PCDHGA6: variants seen among roughly 807,000 people sequenced by gnomAD.
PCDHGA6 encodes the protein protocadherin gamma subfamily A, 6.
In PCDHGA6, 41 loss-of-function variants were observed where a neutral mutation model predicts 60.6. The observed-to-expected ratio is 0.68, with a 90% CI of 0.53 to 0.88. The LOEUF is 0.88. Ranked by LOEUF, PCDHGA6 falls within the 40% of genes least tolerant of loss-of-function variation. The pLI is 0.00. For synonymous variants in PCDHGA6, 594 were observed against 524.4 expected (o/e 1.13, Z -1.81); for missense variants, 1,312 against 1,203.0 (o/e 1.09, Z -1.34).
rs553126235 is a variant in PCDHGA6 at position 141,473,346 on chromosome 5, G to A, written c.2425-21461G>A. Reference sequence around the variant, plus strand: ...AAGTGCCTGCTGTGCTAGACAGTGAGGATGCAAGTGGCCACCAAAATAGCA... The same window carrying A: ...AAGTGCCTGCTGTGCTAGACAGTGAAGATGCAAGTGGCCACCAAAATAGCA... On this transcript the variant is annotated intron_variant, in intron 1 of 3. Transcript: ENST00000517434. Among the ~76,000 whole-genome samples, 9 of 152,310 alleles carry A rather than the reference G, an allele frequency of 5.9e-5. No individual in the cohort carries two copies. The East Asian group carries it at 1.5e-3, about 26-fold the overall frequency.
intron 1 of PCDHGA6, among the ~76,000 whole-genome samples, chr5:141,452,575 T>A (rs1386847800): frequency 6.6e-6 from 1 of 152,192 alleles, no homozygotes; most frequent in Non-Finnish European, 1.5e-5. Flanking sequence ...CCTTCCCCCT[T>A]TCCATCTTTG....
chr5:141,437,434 G>A (rs183505868), intron 1 of PCDHGA6, among the ~76,000 whole-genome samples: 409 of 152,312 alleles, frequency 2.7e-3, no homozygotes, highest in Middle Eastern at 6.8e-3. Flanking sequence ...AGCAGCAATA[G>A]CATAGGAATG....
At chr5:141,437,040 C>G (rs188070264) in intron 1 of PCDHGA6, among the ~76,000 whole-genome samples, 1 of 152,266 alleles carries the variant, frequency 6.6e-6, no homozygotes, top group African/African-American at 2.4e-5. Flanking sequence ...ATCACCGAAA[C>G]CAGAAGGCTG....
chr5:141,374,300 C>A lies in PCDHGA6; in HGVS notation c.217C>A (p.Gln73Lys), dbSNP rs746754972. Residue 73 changes from glutamine to lysine, a missense_variant, in exon 1 of 4, where the codon CAG becomes AAG. By Grantham distance (53) the Gln-to-Lys change is moderately conservative. Transcript: ENST00000517434. Reference sequence around the variant, plus strand: ...CCGCATCGTCTCCAGAGGTAGGATGCAGCTTTTCTCTCTGAATCCGCGAAA... The same window carrying A: ...CCGCATCGTCTCCAGAGGTAGGATGAAGCTTTTCTCTCTGAATCCGCGAAA... ...GVRIVSRGRM[Q>K]LFSLNPRNGS... The A allele has an allele frequency of 2.4e-5, 38 of 1,613,830 alleles. No individual in the cohort carries two copies. The highest frequency in any genetic ancestry group is 3.1e-5 in the Non-Finnish European group (36 of 1,179,836).
intron 1 of PCDHGA6, among the ~76,000 whole-genome samples, chr5:141,386,156 G>A (rs3806832): frequency 0.081 from 12,379 of 152,152 alleles, 653 homozygotes; most frequent in African/African-American, 0.15. Context: ...ACTGTCTCAC[G>A]TACTCAAACC....
intron 1 of PCDHGA6, among the ~76,000 whole-genome samples, chr5:141,439,076 C>G (rs1358035789): frequency 6.6e-6 from 1 of 151,590 alleles, no homozygotes; most frequent in East Asian, 2.0e-4. Context: ...GCCTGTAATC[C>G]CAGCTACTCA....
rs1411664231 is a variant in PCDHGA6 at position 141,390,362 on chromosome 5, GA to G, written c.2424+13859del. 3.9e-6 allele frequency: 6 copies of G among 1,532,890 alleles called. No individual in the cohort carries two copies. In the African/African-American group the frequency reaches 8.3e-5, roughly 21 times the overall value. 95.0% of individuals were successfully genotyped at this position (1,532,890 alleles called of 1,614,324 possible). ...CACAAGAAAATATACATATTTGCAG[GA>G]AAATATATAATTTTTAGATGTCATG... On this transcript the variant is annotated intron_variant, in intron 1 of 3. Coordinates refer to ENST00000517434, the MANE Select transcript of PCDHGA6 (RefSeq NM_018919.3).
At chr5:141,385,088 G>A in intron 1 of PCDHGA6, 2 of 1,614,226 alleles carry the variant, frequency 1.2e-6, no homozygotes, top group Non-Finnish European at 1.7e-6. Flanking sequence ...GCTTCAGAAG[G>A]TGGCTTGGCG....
chr5:141,399,719 G>C (rs773556952), intron 1 of PCDHGA6: 1 of 1,613,286 alleles, frequency 6.2e-7, no homozygotes, highest in Non-Finnish European at 8.5e-7. Context: ...CTACAGGCCC[G>C]CGACCAGGGC....
chr5:141,510,420 G>A (rs1275392355), intron 3 of PCDHGA6, among the ~76,000 whole-genome samples: 2 of 152,126 alleles, frequency 1.3e-5, no homozygotes, highest in Non-Finnish European at 2.9e-5. Flanking sequence ...TAAAGCCATG[G>A]TTTCATGGCT....
At chr5:141,434,323 T>G (rs578049856) in intron 1 of PCDHGA6, among the ~76,000 whole-genome samples, 1 of 152,358 alleles carries the variant, frequency 6.6e-6, no homozygotes, top group South Asian at 2.1e-4. Flanking sequence ...CTCTTGCTGC[T>G]TGTCTCTTTG....
Position 141,418,952 on chromosome 5 carries a change from G to C in PCDHGA6, c.2424+42445G>C, listed in dbSNP as rs1377467334. On this transcript the variant is annotated intron_variant, in intron 1 of 3. Coordinates refer to ENST00000517434, the MANE Select transcript of PCDHGA6 (RefSeq NM_018919.3). ...TATGGAGGATTCCCCTCCAGGAGTG[G>C]TTGTTGCCCTCTTCAAAACACGGGA... 4.3e-6 allele frequency: 7 copies of C among 1,613,932 alleles called. No individual in the cohort carries two copies. Among genetic ancestry groups the C allele is most frequent in the Non-Finnish European group, 5.9e-6 (7 of 1,179,908 alleles).
At chr5:141,382,104 A>G (rs1777948509) in intron 1 of PCDHGA6, among the ~76,000 whole-genome samples, 1 of 152,108 alleles carries the variant, frequency 6.6e-6, no homozygotes, top group Non-Finnish European at 1.5e-5. Context: ...GTGGGATTAC[A>G]GGCGTGAGCA....
intron 1 of PCDHGA6, chr5:141,383,327 T>G (rs576010988): frequency 1.2e-6 from 2 of 1,613,978 alleles, no homozygotes; most frequent in South Asian, 2.2e-5. Context: ...GTAAAAATAA[T>G]GGAGAATACA....
chr5:141,445,376 A>T (rs1182418123), intron 1 of PCDHGA6, among the ~76,000 whole-genome samples: 1 of 152,220 alleles, frequency 6.6e-6, no homozygotes, highest in Non-Finnish European at 1.5e-5. Context: ...TGGGTGGTTC[A>T]TTCATTCATT....
intron 1 of PCDHGA6, among the ~76,000 whole-genome samples, chr5:141,465,104 T>A (rs1044128193): frequency 1.3e-5 from 2 of 151,862 alleles, no homozygotes; most frequent in East Asian, 3.9e-4. Context: ...GTTTTTTTTT[T>A]AAGTGTTTTA....
chr5:141,480,402 G>A (rs1268532373), intron 1 of PCDHGA6, among the ~76,000 whole-genome samples: 2 of 145,838 alleles, frequency 1.4e-5, no homozygotes, highest in African/African-American at 2.6e-5. Flanking sequence ...GCAATAGAGT[G>A]AGACCCTGTC....
In PCDHGA6 at chr5:141,487,259, T is replaced by A. The variant is rs2099641960; in HGVS notation, c.2425-7548T>A. 1.9e-6 allele frequency: 3 copies of A among 1,614,014 alleles called. No individual in the cohort carries two copies. The highest frequency in any genetic ancestry group is 1.3e-5 in the African/African-American group (1 of 74,926). ...TCGTCTAACCCTCTACTTGGCTGTGTCCCTAGTGGCAATTTGCTTTGTCTC... is the reference window on the plus strand; with the variant it reads ...TCGTCTAACCCTCTACTTGGCTGTGACCCTAGTGGCAATTTGCTTTGTCTC... On this transcript the variant is annotated intron_variant, in intron 1 of 3. Coordinates refer to ENST00000517434, the MANE Select transcript of PCDHGA6 (RefSeq NM_018919.3). The surrounding 1 kb of genome is among the most constrained non-coding windows in gnomAD (Gnocchi z 5.0).
At chr5:141,401,079 C>T (rs1245954946) in intron 1 of PCDHGA6, among the ~76,000 whole-genome samples, 16 of 152,196 alleles carry the variant, frequency 1.1e-4, no homozygotes, top group Admixed American at 1.0e-3. Flanking sequence ...TGCAGTGGCT[C>T]ATGCCTGTAA....
Sources: allele counts gnomAD v4.1 joint callset (sites outside exome capture counted in the v4.1 genomes callset), GRCh38; gene constraint gnomAD v4.1.1; non-coding constraint Gnocchi (gnomAD v3.1); transcripts MANE v1.5; gene names NCBI Gene and HGNC (gene_info 2026-07-23, HGNC 2026-07-21).